CNTNAP2: variants seen among roughly 807,000 people sequenced by gnomAD.
CNTNAP2 encodes the protein contactin associated protein 2.
CNTNAP2 carries 98 observed loss-of-function variants against 155.2 expected under a neutral mutation model. The observed-to-expected ratio is 0.63, with a 90% CI of 0.54 to 0.75. The LOEUF (loss-of-function observed/expected upper bound fraction) is 0.75. Ranked by LOEUF, CNTNAP2 falls within the 30% of genes least tolerant of loss-of-function variation. The pLI, the probability that CNTNAP2 is intolerant of heterozygous loss-of-function variation, is 0.00. For missense variants in CNTNAP2, 1,727 were observed against 1,688.1 expected (o/e 1.02, Z -0.40); for synonymous variants, 651 against 631.2 (o/e 1.03, Z -0.47).
intron 1 of CNTNAP2, among the ~76,000 whole-genome samples, chr7:146,334,786 G>C (rs1010992153): frequency 1.3e-5 from 2 of 152,092 alleles, no homozygotes; most frequent in Admixed American, 6.5e-5. Flanking sequence ...TGACTTGAAA[G>C]AATAACATTC....
intron 15 of CNTNAP2, among the ~76,000 whole-genome samples, chr7:148,010,290 G>T (rs898821857): frequency 1.3e-5 from 2 of 151,640 alleles, no homozygotes; most frequent in Non-Finnish European, 2.9e-5. Context: ...TACTGCAGCT[G>T]TCATCTCCTA....
intron 2 of CNTNAP2, among the ~76,000 whole-genome samples, chr7:146,814,926 T>A (rs2129194701): frequency 6.6e-6 from 1 of 152,262 alleles, no homozygotes; most frequent in African/African-American, 2.4e-5. Context: ...TTTCCTGAGA[T>A]TTATAATAGT....
chr7:147,765,752 A>G (rs562583145), intron 13 of CNTNAP2, among the ~76,000 whole-genome samples: 2 of 152,344 alleles, frequency 1.3e-5, no homozygotes, highest in East Asian at 3.9e-4. Context: ...AGAAATGAAG[A>G]CATATAGCCA....
chr7:147,889,538 T>A (rs1799652789), intron 13 of CNTNAP2, among the ~76,000 whole-genome samples: 1 of 152,126 alleles, frequency 6.6e-6, no homozygotes, highest in African/African-American at 2.4e-5. Context: ...TACAATAGCA[T>A]AAAAATTTCC....
chr7:147,684,688 T>C (rs1305400415), intron 13 of CNTNAP2, among the ~76,000 whole-genome samples: 1 of 151,944 alleles, frequency 6.6e-6, no homozygotes, highest in African/African-American at 2.4e-5. Context: ...CATCATGCTC[T>C]AGTCTAAGCT....
At chr7:146,913,755 A>T (rs1380095065) in intron 3 of CNTNAP2, among the ~76,000 whole-genome samples, 1 of 150,750 alleles carries the variant, frequency 6.6e-6, no homozygotes, top group Admixed American at 6.6e-5. Flanking sequence ...CAACATATGG[A>T]TTCTTTTTTT....
chr7:147,105,146 A>C (rs1397300877), intron 4 of CNTNAP2, among the ~76,000 whole-genome samples: 1 of 151,550 alleles, frequency 6.6e-6, no homozygotes, highest in Non-Finnish European at 1.5e-5. Flanking sequence ...ATAAACTTAA[A>C]ATTTTAATAT....
chr7:146,185,624 G>A (rs927627774), intron 1 of CNTNAP2, among the ~76,000 whole-genome samples: 9 of 152,176 alleles, frequency 5.9e-5, no homozygotes, highest in Admixed American at 4.6e-4. Flanking sequence ...CTGGCACGTA[G>A]TAAGTGCTTT....
chr7:147,918,211 T>C (rs1800194245), intron 14 of CNTNAP2, among the ~76,000 whole-genome samples: 1 of 152,246 alleles, frequency 6.6e-6, no homozygotes, highest in Non-Finnish European at 1.5e-5. Flanking sequence ...CCATACCTCA[T>C]GTGTATTATA....
intron 1 of CNTNAP2, among the ~76,000 whole-genome samples, chr7:146,767,351 T>C (rs1004081828): frequency 2.6e-5 from 4 of 152,166 alleles, no homozygotes; most frequent in African/African-American, 9.7e-5. Context: ...GATAGATCAG[T>C]AAGTGAAAAG....
At chr7:147,831,569 C>A (rs971000149) in intron 13 of CNTNAP2, among the ~76,000 whole-genome samples, 2 of 152,150 alleles carry the variant, frequency 1.3e-5, no homozygotes, top group Non-Finnish European at 2.9e-5. Context: ...GCAAGAAAAC[C>A]TCAGAGTCAA....
chr7:147,112,510 C>T (rs918661882), intron 5 of CNTNAP2, among the ~76,000 whole-genome samples: 4 of 152,140 alleles, frequency 2.6e-5, no homozygotes, highest in African/African-American at 9.7e-5. Flanking sequence ...GTGGGTTTGT[C>T]ATAGATGGCT....
At chr7:146,888,590 T>C (rs1482274013) in intron 3 of CNTNAP2, among the ~76,000 whole-genome samples, 1 of 152,076 alleles carries the variant, frequency 6.6e-6, no homozygotes, top group African/African-American at 2.4e-5. Context: ...CTATTCTGCC[T>C]ACCCATTTTT....
At chr7:148,085,705 T>TTCCTTCCTTCCTTCCTTCCC in intron 15 of CNTNAP2, among the ~76,000 whole-genome samples, 1 of 152,102 alleles carries the variant, frequency 6.6e-6, no homozygotes, top group Non-Finnish European at 1.5e-5. Context: ...CCTTCCTTCC[T>TTCCTTCCTTCCTTCCTTCCC]TCCTTCCTTC....
chr7:146,957,666 T>A (rs1797464497), intron 3 of CNTNAP2, among the ~76,000 whole-genome samples: 1 of 152,140 alleles, frequency 6.6e-6, no homozygotes, highest in Non-Finnish European at 1.5e-5. Flanking sequence ...ACTGAGAGCC[T>A]TTGACAGTCA....
chr7:148,019,572 T>G (rs1458023083), intron 15 of CNTNAP2, among the ~76,000 whole-genome samples: 2 of 152,050 alleles, frequency 1.3e-5, no homozygotes, highest in African/African-American at 4.8e-5. Context: ...TTCTTGTGCC[T>G]CGGGCTCCTG....
chr7:147,377,807 T>A (rs909173541), intron 9 of CNTNAP2, among the ~76,000 whole-genome samples: 9 of 151,896 alleles, frequency 5.9e-5, no homozygotes, highest in African/African-American at 2.2e-4. Context: ...AATTGTTCCT[T>A]AGGGATACTC....
chr7:146,612,931 C>CTTTTTTTTTTTTTTTTTTTTTTTT (rs10593929), intron 1 of CNTNAP2, among the ~76,000 whole-genome samples: 1 of 139,362 alleles, frequency 7.2e-6, no homozygotes, highest in Non-Finnish European at 1.5e-5. Flanking sequence ...TAACATCTGT[C>CTTTTTTTTTTTTTTTTTTTTTTTT]TTTTTTTTTT....
At chr7:148,004,988 T>G (rs1801950004) in intron 15 of CNTNAP2, among the ~76,000 whole-genome samples, 1 of 152,218 alleles carries the variant, frequency 6.6e-6, no homozygotes, top group Admixed American at 6.5e-5. Context: ...CTAAATGGAT[T>G]GAGTTTTGTT....
Sources: allele counts gnomAD v4.1 joint callset (sites outside exome capture counted in the v4.1 genomes callset), GRCh38; gene constraint gnomAD v4.1.1; transcripts MANE v1.5; gene names NCBI Gene and HGNC (gene_info 2026-07-23, HGNC 2026-07-21).